Variants in PDE4D observed in about 807,000 individuals in gnomAD.
The protein encoded by PDE4D is phosphodiesterase 4D, also known as 3',5'-cyclic-AMP phosphodiesterase 4D.
A neutral mutation model predicts 87.4 loss-of-function variants in PDE4D; 24 were observed. That is an observed-to-expected ratio of 0.27 (90% CI 0.20 to 0.39). The LOEUF is 0.39. Ranked by LOEUF, PDE4D falls within the 10% of genes least tolerant of loss-of-function variation. The pLI, the probability that PDE4D is intolerant of heterozygous loss-of-function variation, is 1.00. For missense variants in PDE4D, 714 were observed against 1,041.0 expected (o/e 0.69, Z 4.32); for synonymous variants, 384 against 383.2 (o/e 1.00, Z -0.02).
chr5:59,639,080 AT>A (rs202036778), intron 1 of PDE4D, among the ~76,000 whole-genome samples: 1,963 of 152,232 alleles, frequency 0.013, 26 homozygotes, highest in South Asian at 0.038. Context: ...AGCATAAAAC[AT>A]TTTCCACAAA....
At chr5:59,763,360 G>C (rs35526661) in intron 1 of PDE4D, among the ~76,000 whole-genome samples, 1 of 151,568 alleles carries the variant, frequency 6.6e-6, no homozygotes, top group African/African-American at 2.4e-5. Flanking sequence ...AATCTGAGTC[G>C]TGGATATATA....
At position 59,113,136 on chromosome 5, in the gene PDE4D, G is replaced by T. The variant is rs185246046; in HGVS notation, c.808+67459C>A. Among the ~76,000 whole-genome samples, 788 of 151,672 alleles carry T rather than the reference G, an allele frequency of 5.2e-3. 10 individuals carry two copies. Among genetic ancestry groups the T allele is most frequent in the African/African-American group, 0.018 (759 of 41,260 alleles). The stretch of plus-strand genomic sequence containing the variant: ...CCCTCACTTCCTTCTTTCCTTCCTT[G>T]CATGCACACCTGCAAATGCCAGACA... On this transcript the variant is annotated intron_variant, in intron 5 of 14. Coordinates refer to ENST00000340635, the MANE Select transcript of PDE4D (RefSeq NM_001104631.2).
At chr5:59,942,864 TG>T (rs1757329802) in intron 3 of PDE4D, among the ~76,000 whole-genome samples, 2 of 89,486 alleles carry the variant, frequency 2.2e-5, no homozygotes, top group South Asian at 4.8e-4. Flanking sequence ...GGGTGGGGGG[TG>T]GGCATCTTTC....
chr5:60,430,091 G>A, intron 1 of PDE4D: 2 of 524,276 alleles, frequency 3.8e-6, no homozygotes, highest in Admixed American at 1.9e-5. Flanking sequence ...GTATCAAAGT[G>A]TGCATCTGGA....
chr5:59,702,869 C>CAA (rs71604798), intron 1 of PDE4D, among the ~76,000 whole-genome samples: 1,027 of 69,312 alleles, frequency 0.015, 41 homozygotes, highest in Middle Eastern at 0.026. Context: ...GACCCTGTCT[C>CAA]AAAAAAAAAA....
chr5:59,342,044 A>T (rs748946468), intron 1 of PDE4D, among the ~76,000 whole-genome samples: 1 of 152,178 alleles, frequency 6.6e-6, no homozygotes, highest in Non-Finnish European at 1.5e-5. Flanking sequence ...CAAGTGGAAG[A>T]GCCATGATTT....
At position 59,526,560 on chromosome 5, in the gene PDE4D, T is replaced by C. The variant is rs557138169; in HGVS notation, c.456-310592A>G. On this transcript the variant is annotated intron_variant, in intron 1 of 14. Coordinates refer to ENST00000340635, the MANE Select transcript of PDE4D (RefSeq NM_001104631.2). The stretch of plus-strand genomic sequence containing the variant: ...CAGGAGGTTGACATGTCTTGTTACC[T>C]AAAACCACTGAAAATTTGAATGTTG... Among the ~76,000 whole-genome samples, 8 of 152,342 alleles carry C rather than the reference T, an allele frequency of 5.3e-5. No homozygotes were observed. In the South Asian group the frequency reaches 1.7e-3, roughly 32 times the overall value.
intron 3 of PDE4D, among the ~76,000 whole-genome samples, chr5:59,972,852 C>T (rs1351437000): frequency 6.6e-6 from 1 of 152,174 alleles, no homozygotes; most frequent in Non-Finnish European, 1.5e-5. Flanking sequence ...CAAATATCTT[C>T]CCTTTACTTC....
At chr5:60,241,917 A>G (rs1036579825) in intron 1 of PDE4D, among the ~76,000 whole-genome samples, 1 of 152,174 alleles carries the variant, frequency 6.6e-6, no homozygotes, top group African/African-American at 2.4e-5. Context: ...AGCAAGAGAA[A>G]AGAAACACAT....
At chr5:59,997,506 T>G (rs923855117) in intron 2 of PDE4D, among the ~76,000 whole-genome samples, 1 of 152,158 alleles carries the variant, frequency 6.6e-6, no homozygotes, top group Non-Finnish European at 1.5e-5. Context: ...ATTTAAGTGA[T>G]GATATATTTA....
chr5:60,163,872 G>T (rs2149467969), intron 2 of PDE4D, among the ~76,000 whole-genome samples: 1 of 152,260 alleles, frequency 6.6e-6, no homozygotes, highest in East Asian at 1.9e-4. Flanking sequence ...TGGCCCACTA[G>T]CCCCAGGACA....
chr5:60,084,418 G>GTGCGCA (rs1449378891), intron 2 of PDE4D, among the ~76,000 whole-genome samples: 217 of 152,032 alleles, frequency 1.4e-3, no homozygotes, highest in African/African-American at 4.7e-3. Flanking sequence ...GCGCGCGCGT[G>GTGCGCA]TGCGCATGCG....
intron 5 of PDE4D, among the ~76,000 whole-genome samples, chr5:59,091,695 G>A (rs1179312553): frequency 6.6e-6 from 1 of 152,010 alleles, no homozygotes; most frequent in Non-Finnish European, 1.5e-5. Flanking sequence ...GATGAAACAG[G>A]AAATTATAGG....
At chr5:59,541,682 A>G (rs533301727) in intron 1 of PDE4D, among the ~76,000 whole-genome samples, 152 of 152,326 alleles carry the variant, frequency 1.0e-3, no homozygotes, top group African/African-American at 3.5e-3. Flanking sequence ...TATATTATCA[A>G]TGGGATTGAT....
intron 6 of PDE4D, among the ~76,000 whole-genome samples, chr5:59,003,232 T>A (rs992292084): frequency 2.6e-5 from 4 of 152,180 alleles, no homozygotes; most frequent in Admixed American, 2.0e-4. Context: ...AATGCCTGCT[T>A]CATCACATCC....
intron 1 of PDE4D, among the ~76,000 whole-genome samples, chr5:59,748,821 G>C (rs1760004733): frequency 6.6e-6 from 1 of 152,082 alleles, no homozygotes; most frequent in South Asian, 2.1e-4. Context: ...ACAAAAAAAA[G>C]AACACCCAGC....
At chr5:59,668,808 AAGAAG>A (rs1746548176) in intron 1 of PDE4D, among the ~76,000 whole-genome samples, 1 of 74,854 alleles carries the variant, frequency 1.3e-5, no homozygotes, top group African/African-American at 6.3e-5. Flanking sequence ...AAGAAGAAAG[AAGAAG>A]AAGAAGAAGA....
intron 1 of PDE4D, among the ~76,000 whole-genome samples, chr5:59,796,489 C>T (rs574111133): frequency 1.4e-4 from 21 of 152,336 alleles, no homozygotes; most frequent in African/African-American, 5.1e-4. Flanking sequence ...ACTGCCCCCA[C>T]TGTCTTCAGC....
At chr5:60,286,843 G>A (rs1752461085) in intron 1 of PDE4D, among the ~76,000 whole-genome samples, 1 of 152,178 alleles carries the variant, frequency 6.6e-6, no homozygotes, top group South Asian at 2.1e-4. Flanking sequence ...AAATAAATGA[G>A]TAGCTTGCTA....
Sources: allele counts gnomAD v4.1 joint callset (sites outside exome capture counted in the v4.1 genomes callset), GRCh38; gene constraint gnomAD v4.1.1; transcripts MANE v1.5; gene names NCBI Gene and HGNC (gene_info 2026-07-23, HGNC 2026-07-21).